The following DNAH11 variants were observed in gnomAD, a reference collection of about 807,000 sequenced individuals.
The protein encoded by DNAH11 is dynein axonemal heavy chain 11, also known as axonemal beta dynein heavy chain 11.
DNAH11 carries 442 observed loss-of-function variants against 526.0 expected under a neutral mutation model. The ratio of observed to expected loss-of-function variants is 0.84; its 90% CI spans 0.78 to 0.91. The LOEUF (loss-of-function observed/expected upper bound fraction) is 0.91. DNAH11 is among the 40% of genes least tolerant of loss of function. The pLI is 0.00. For missense variants in DNAH11, 6,989 were observed against 5,448.7 expected (o/e 1.28, Z -8.90); for synonymous variants, 2,461 against 1,935.9 (o/e 1.27, Z -7.12).
intron 73 of DNAH11, among the ~76,000 whole-genome samples, chr7:21,872,504 G>A (rs1486269482): frequency 6.6e-6 from 1 of 152,072 alleles, no homozygotes; most frequent in Non-Finnish European, 1.5e-5. Flanking sequence ...TTCAATTACT[G>A]TATCAAGGAC....
chr7:21,615,174 C>G lies in DNAH11; in HGVS notation c.3913C>G (p.Leu1305Val), dbSNP rs1166589837. ...GTTGCAGATGCAAGAATCTACTCGTCTTTTTGAAGTGGCTCTTCCAGAGTA... is the reference window on the plus strand; with the variant it reads ...GTTGCAGATGCAAGAATCTACTCGTGTTTTTGAAGTGGCTCTTCCAGAGTA... ...EMLQMQESTRLFEVALPEYKQ... is the reference protein window; with the variant it reads ...EMLQMQESTRVFEVALPEYKQ... The change falls in exon 21 of 82, where the codon CTT becomes GTT. Residue 1305 changes from leucine to valine, a missense_variant. Coordinates refer to ENST00000409508, the MANE Select transcript of DNAH11 (RefSeq NM_001277115.2). 6.2e-7 allele frequency: 1 copy of G among 1,612,862 alleles called. No homozygotes were observed. Among genetic ancestry groups the G allele is most frequent in the Non-Finnish European group, 8.5e-7 (1 of 1,179,476 alleles).
chr7:21,551,273 G>A (rs997986517), intron 2 of DNAH11, among the ~76,000 whole-genome samples: 2 of 152,072 alleles, frequency 1.3e-5, no homozygotes, highest in East Asian at 1.9e-4. Flanking sequence ...TAATTTCCTC[G>A]TCCAGGGAGG....
intron 68 of DNAH11, among the ~76,000 whole-genome samples, chr7:21,854,978 G>A (rs10254976): frequency 0.71 from 107,199 of 150,752 alleles, 38,495 homozygotes; most frequent in African/African-American, 0.76. Flanking sequence ...TAATTAAACT[G>A]TGCATACGGT....
chr7:21,824,039 G>GAATTTATTAATTT (rs1790169598), intron 65 of DNAH11, among the ~76,000 whole-genome samples: 1 of 143,534 alleles, frequency 7.0e-6, no homozygotes, highest in South Asian at 2.2e-4. Context: ...CCGTTTAAGG[G>GAATTTATTAATTT]TAAATTTGTT....
At chr7:21,803,408 T>C (rs760150104) in intron 62 of DNAH11, among the ~76,000 whole-genome samples, 2 of 152,172 alleles carry the variant, frequency 1.3e-5, no homozygotes, top group Admixed American at 6.5e-5. Flanking sequence ...TTTTGCCTCA[T>C]GGTCTCAAGA....
intron 14 of DNAH11, among the ~76,000 whole-genome samples, chr7:21,593,775 A>G (rs908458985): frequency 6.6e-6 from 1 of 151,996 alleles, no homozygotes. Context: ...AGCGTATTTC[A>G]TGTTTCCTCT....
chr7:21,786,390 C>G (rs1239074054), intron 58 of DNAH11, among the ~76,000 whole-genome samples: 1 of 151,466 alleles, frequency 6.6e-6, no homozygotes, highest in Non-Finnish European at 1.5e-5. Context: ...GATCATTTTT[C>G]TTGAAGGCAA....
In DNAH11 at chr7:21,559,523, GC is replaced by G; in HGVS notation, c.693-78del. 2.7e-6 allele frequency: 3 copies of G among 1,128,286 alleles called. No homozygotes were observed. In the South Asian group the frequency reaches 4.8e-5, roughly 18 times the overall value. The allele number at this position is 1,128,286 out of a possible 1,614,324, so 69.9% of individuals were successfully genotyped here. On this transcript the variant is annotated intron_variant, in intron 3 of 81. Coordinates refer to ENST00000409508, the MANE Select transcript of DNAH11 (RefSeq NM_001277115.2). ...ATTTTTAGGAAACTAGTTTATGGATGCCTAAAATAACTATTAAAGTCTATGT... is the reference window on the plus strand; with the variant it reads ...ATTTTTAGGAAACTAGTTTATGGATGCTAAAATAACTATTAAAGTCTATGT...
intron 25 of DNAH11, among the ~76,000 whole-genome samples, chr7:21,629,999 T>G (rs1409968294): frequency 6.6e-6 from 1 of 152,304 alleles, no homozygotes; most frequent in East Asian, 1.9e-4. Flanking sequence ...TTTACTTTTT[T>G]ACTGCCTTCC....
chr7:21,617,494 G>A (rs996365553), intron 22 of DNAH11, 125 bp from the exon 23 acceptor site: 17 of 1,138,374 alleles, frequency 1.5e-5, no homozygotes, highest in Non-Finnish European at 2.0e-5. Context: ...CCTTGGTCTA[G>A]GAGTTCAAAT....
chr7:21,672,453 G>A (rs1398805156), intron 30 of DNAH11, among the ~76,000 whole-genome samples: 1 of 151,964 alleles, frequency 6.6e-6, no homozygotes, highest in African/African-American at 2.4e-5. Context: ...GTCTGGCTAA[G>A]TTTTACATTT....
intron 8 of DNAH11, among the ~76,000 whole-genome samples, chr7:21,575,707 A>G (rs1315196034): frequency 6.6e-6 from 1 of 152,122 alleles, no homozygotes; most frequent in African/African-American, 2.4e-5. Context: ...TCCTCCCCAA[A>G]GGCATCTCTA....
chr7:21,646,538 C>G (rs1787362665), intron 28 of DNAH11, among the ~76,000 whole-genome samples: 1 of 152,052 alleles, frequency 6.6e-6, no homozygotes, highest in Non-Finnish European at 1.5e-5. Flanking sequence ...AAGAGTTGTA[C>G]AAAGAGAACT....
chr7:21,858,526 C>G (rs925949150), intron 68 of DNAH11, among the ~76,000 whole-genome samples: 1 of 152,188 alleles, frequency 6.6e-6, no homozygotes, highest in Admixed American at 6.5e-5. Context: ...TGGGCTATTA[C>G]TCAAAACATA....
chr7:21,819,758 A>G (rs1789975251), intron 65 of DNAH11, among the ~76,000 whole-genome samples: 1 of 152,208 alleles, frequency 6.6e-6, no homozygotes, highest in Admixed American at 6.6e-5. Context: ...GGACGTAGTT[A>G]ACTATCAGTG....
intron 3 of DNAH11, 39 bp from the exon 4 acceptor site, chr7:21,559,562 TGA>T (rs1389293476): frequency 6.8e-7 from 1 of 1,463,980 alleles, no homozygotes; most frequent in South Asian, 1.3e-5. Context: ...TTGGATAAAA[TGA>T]TTCATCTTTG....
At chr7:21,796,338 C>G (rs544145939) in intron 61 of DNAH11, among the ~76,000 whole-genome samples, 2 of 152,240 alleles carry the variant, frequency 1.3e-5, no homozygotes, top group African/African-American at 4.8e-5. Context: ...AATTGAAGAA[C>G]TGCAGTTGGG....
At chr7:21,760,120 G>C (rs1786832818) in intron 54 of DNAH11, among the ~76,000 whole-genome samples, 1 of 152,076 alleles carries the variant, frequency 6.6e-6, no homozygotes, top group Non-Finnish European at 1.5e-5. Flanking sequence ...GAACTTTCTG[G>C]TGGGGGTGGG....
At chr7:21,549,984 G>A (rs1282423590) in intron 2 of DNAH11, among the ~76,000 whole-genome samples, 3 of 152,162 alleles carry the variant, frequency 2.0e-5, no homozygotes, top group South Asian at 2.1e-4. Flanking sequence ...TCCCCTGCCC[G>A]TTTCCATTTT....
Sources: gnomAD v4.1 joint callset for allele counts (sites outside exome capture counted in the v4.1 genomes callset) on GRCh38, gnomAD v4.1.1 for gene constraint, MANE v1.5 for transcripts, NCBI Gene and HGNC (gene_info 2026-07-23, HGNC 2026-07-21) for gene names.